Variants in ELAPOR2 observed in about 807,000 individuals in gnomAD.
ELAPOR2 encodes endosome-lysosome associated apoptosis and autophagy regulator family member 2, also known as endosome/lysosome-associated apoptosis and autophagy regulator family member 2.
Under a neutral mutation model 120.7 loss-of-function variants are expected in ELAPOR2, and 89 were observed. That is an observed-to-expected ratio of 0.74 (90% CI 0.62 to 0.88). The LOEUF (loss-of-function observed/expected upper bound fraction) is 0.88, where lower values mean the gene tolerates loss of function less well. ELAPOR2 is among the 40% of genes least tolerant of loss of function. ELAPOR2 has a pLI of 0.00. For synonymous variants in ELAPOR2, 444 were observed against 444.9 expected (o/e 1.00, Z 0.03); for missense variants, 1,134 against 1,251.6 (o/e 0.91, Z 1.42).
At chr7:86,931,280 A>G (rs1401524489) in intron 8 of ELAPOR2, among the ~76,000 whole-genome samples, 1 of 151,944 alleles carries the variant, frequency 6.6e-6, no homozygotes, top group Non-Finnish European at 1.5e-5. Flanking sequence ...GTTCACAAAT[A>G]TGGAAATGAT....
At chr7:86,956,297 A>C (rs1791471298) in intron 2 of ELAPOR2, among the ~76,000 whole-genome samples, 1 of 152,220 alleles carries the variant, frequency 6.6e-6, no homozygotes, top group Non-Finnish European at 1.5e-5. Flanking sequence ...TTCATTTTAC[A>C]AAACAAAAGT....
chr7:86,938,979 C>G lies in ELAPOR2; in HGVS notation c.848-19G>C, dbSNP rs770678052. 3 of 1,612,278 alleles carry G rather than the reference C, an allele frequency of 1.9e-6. No homozygotes were observed. Among genetic ancestry groups the G allele is most frequent in the Non-Finnish European group, 2.5e-6 (3 of 1,178,972 alleles). On this transcript the variant is annotated intron_variant, in intron 6 of 21. Coordinates refer to ENST00000450689, the MANE Select transcript of ELAPOR2 (RefSeq NM_001142749.3). Reference sequence around the variant, plus strand: ...GCCACCCCTGTGCAGTAATGAAAAACAGAGCATGGGAGGGGGACCCAATAC... The same window carrying G: ...GCCACCCCTGTGCAGTAATGAAAAAGAGAGCATGGGAGGGGGACCCAATAC...
At chr7:87,042,189 T>G (rs1235806867) in intron 1 of ELAPOR2, among the ~76,000 whole-genome samples, 73 of 150,598 alleles carry the variant, frequency 4.8e-4, no homozygotes, top group Non-Finnish European at 3.1e-4. Context: ...ACTGTCAACA[T>G]TAGACAGATC....
chr7:86,901,236 A>G (rs1183219220), intron 18 of ELAPOR2, among the ~76,000 whole-genome samples: 1 of 152,186 alleles, frequency 6.6e-6, no homozygotes, highest in Admixed American at 6.5e-5. Context: ...AATGAATAAG[A>G]GACTTCCCAG....
chr7:86,960,610 T>G (rs1288621787), intron 2 of ELAPOR2, among the ~76,000 whole-genome samples: 1 of 152,210 alleles, frequency 6.6e-6, no homozygotes, highest in Non-Finnish European at 1.5e-5. Flanking sequence ...AAGTAGGATA[T>G]TTAATTCTCC....
rs111615517 is a variant in ELAPOR2 at position 86,884,147 on chromosome 7, G to A, written c.3031-3617C>T. Among the ~76,000 whole-genome samples the A allele has an allele frequency of 2.3e-3, 348 of 152,042 alleles. 4 individuals are homozygous for A. Among genetic ancestry groups the A allele is most frequent in the African/African-American group, 7.6e-3 (316 of 41,474 alleles). ...ATTTTTAAAGTAAAAAAATCATTAC[G>A]CTAACTAAAATTGCTATTCAAAACA... On this transcript the variant is annotated intron_variant, in intron 21 of 21. Coordinates refer to ENST00000450689, the MANE Select transcript of ELAPOR2 (RefSeq NM_001142749.3).
chr7:86,926,639 T>C (rs1790077954), intron 9 of ELAPOR2, 97 bp downstream of exon 9: 1 of 1,233,398 alleles, frequency 8.1e-7, no homozygotes, highest in Admixed American at 2.6e-5. Context: ...AGAAATTCTG[T>C]AACCACTTTC....
chr7:87,053,679 C>T (rs1795181080), intron 1 of ELAPOR2, among the ~76,000 whole-genome samples: 1 of 152,090 alleles, frequency 6.6e-6, no homozygotes, highest in African/African-American at 2.4e-5. Context: ...AAACAATAGG[C>T]TGTGACTAGA....
intron 1 of ELAPOR2, among the ~76,000 whole-genome samples, chr7:86,972,210 T>C (rs1792127906): frequency 6.6e-6 from 1 of 152,094 alleles, no homozygotes; most frequent in South Asian, 2.1e-4. Flanking sequence ...TCAAAGCTCT[T>C]TTGCCCCAGC....
At chr7:86,935,730 T>C (rs990383190) in intron 8 of ELAPOR2, among the ~76,000 whole-genome samples, 8 of 151,990 alleles carry the variant, frequency 5.3e-5, no homozygotes, top group African/African-American at 1.9e-4. Context: ...TGGAGAAATT[T>C]ACGTTTTTCT....
intron 1 of ELAPOR2, among the ~76,000 whole-genome samples, chr7:86,986,596 ATTGCT>A (rs1792749634): frequency 6.7e-6 from 1 of 150,222 alleles, no homozygotes; most frequent in East Asian, 1.9e-4. Context: ...CCCATTCACA[ATTGCT>A]TCAAAGGGAA....
Position 87,059,363 on chromosome 7 carries a change from G to T in ELAPOR2, c.151C>A (p.Pro51Thr). The part of the protein sequence containing the change: ...GCQAAWAGDL[P>T]SSSSRPLPPC... ...GGAAGCGGGCGGCTGGAGGAGGAGG[G>T]CAGGTCCCCAGCCCAGGCCGCCTGG... is the stretch of plus-strand genomic sequence containing the variant. The change falls in exon 1 of 22, where the codon CCC (proline) becomes ACC (threonine). Residue 51 changes from proline to threonine, a missense_variant. Physicochemically the swap from Pro to Thr is conservative, Grantham distance 38. This residue lies in a region of ELAPOR2 where 280 missense variants were observed against 331.5 expected (regional missense o/e 0.84). Coordinates refer to ENST00000450689, the MANE Select transcript of ELAPOR2 (RefSeq NM_001142749.3). 1 of 1,247,248 alleles carries T rather than the reference G, an allele frequency of 8.0e-7. No individual in the cohort carries two copies. The allele number at this position is 1,247,248 out of a possible 1,614,324, so 77.3% of individuals were successfully genotyped here.
chr7:86,964,850 T>C, intron 2 of ELAPOR2, 54 bp downstream of exon 2: 3 of 1,539,574 alleles, frequency 1.9e-6, no homozygotes, highest in Non-Finnish European at 2.6e-6. Flanking sequence ...AGGGCTAATA[T>C]GAAGAGGTAA....
chr7:86,955,938 G>C (rs1356525979), intron 2 of ELAPOR2, among the ~76,000 whole-genome samples: 1 of 116,666 alleles, frequency 8.6e-6, no homozygotes, highest in Non-Finnish European at 1.9e-5. Context: ...AATAGCATTA[G>C]AAAAGAACTC....
intron 1 of ELAPOR2, among the ~76,000 whole-genome samples, chr7:87,026,003 G>C (rs1794230100): frequency 6.6e-6 from 1 of 152,102 alleles, no homozygotes; most frequent in South Asian, 2.1e-4. Context: ...GTATTTGCTT[G>C]AATAAACCAG....
rs928188669 is a variant in ELAPOR2, at chr7:86,912,299, C to A, written c.1996-54G>T. 1.0e-4 allele frequency: 124 copies of A among 1,215,984 alleles called. 2 individuals carry two copies. The highest frequency in any genetic ancestry group is 2.2e-4 in the Middle Eastern group (1 of 4,606). 75.3% of individuals were successfully genotyped at this position (1,215,984 alleles called of 1,614,324 possible). On this transcript the variant is annotated intron_variant, in intron 14 of 21. Transcript: ENST00000450689. ...GCAGGAAAGAAAATATTAGCTGCTA[C>A]TAAAATGTGTTTGAAAAAAGTTCTA...
intron 2 of ELAPOR2, among the ~76,000 whole-genome samples, chr7:86,958,935 A>T (rs1474474217): frequency 6.6e-6 from 1 of 152,206 alleles, no homozygotes; most frequent in Non-Finnish European, 1.5e-5. Flanking sequence ...GAATATTTTA[A>T]TAATACTAAG....
At chr7:86,964,754 T>G in intron 2 of ELAPOR2, 150 bp downstream of exon 2, 4 of 678,836 alleles carry the variant, frequency 5.9e-6, no homozygotes, top group Non-Finnish European at 9.7e-6. Context: ...CATCTAGTGA[T>G]GAGAAAGGCT....
intron 16 of ELAPOR2, among the ~76,000 whole-genome samples, 183 bp downstream of exon 16, chr7:86,909,629 T>C (rs1162485314): frequency 6.6e-6 from 1 of 152,092 alleles, no homozygotes; most frequent in African/African-American, 2.4e-5. Context: ...TGCAGAAGCT[T>C]CTCAGAGACT....
Sources: allele counts gnomAD v4.1 joint callset (sites outside exome capture counted in the v4.1 genomes callset), GRCh38; gene constraint gnomAD v4.1.1; regional missense constraint gnomAD v4.1.1; transcripts MANE v1.5; gene names NCBI Gene and HGNC (gene_info 2026-07-23, HGNC 2026-07-21).